Variants in SNX1 observed in about 807,000 individuals in gnomAD.
SNX1 encodes sorting nexin-1.
Under a neutral mutation model 71.8 loss-of-function variants are expected in SNX1, and 36 were observed. That is an observed-to-expected ratio of 0.50 (90% confidence interval 0.38 to 0.66). The LOEUF is 0.66. Ranked by LOEUF, SNX1 falls within the 30% of genes least tolerant of loss-of-function variation. The pLI, the probability that SNX1 is intolerant of heterozygous loss-of-function variation, is 0.00. For missense variants in SNX1, 612 were observed against 646.7 expected (o/e 0.95, Z 0.58); for synonymous variants, 254 against 240.7 (o/e 1.06, Z -0.51).
chr15:64,111,390 T>C (rs1167721717), intron 1 of SNX1: 4 of 152,230 alleles, frequency 2.6e-5, no homozygotes, highest in African/African-American at 9.6e-5. Flanking sequence ...GTAGAAGGAT[T>C]GTTTGCTCAT....
chr15:64,113,785 C>A (rs1362177711), intron 2 of SNX1, among the ~76,000 whole-genome samples: 1 of 151,928 alleles, frequency 6.6e-6, no homozygotes, highest in African/African-American at 2.4e-5. Context: ...TGTGCTACTA[C>A]ACTGCAGCCT....
rs117906024 is a variant in SNX1 at position 64,137,253 on chromosome 15, G to A, written c.1519-315G>A. Among the ~76,000 whole-genome samples, 978 of 152,308 alleles carry A rather than the reference G, an allele frequency of 6.4e-3. 4 individuals are homozygous for A. Among genetic ancestry groups the A allele is most frequent in the Non-Finnish European group, 0.01 (692 of 68,006 alleles). On this transcript the variant is annotated intron_variant, in intron 14 of 14. Transcript: ENST00000559844. The stretch of plus-strand genomic sequence containing the variant: ...GCCCTCCTGAGGCTGAGGCCTCATC[G>A]GTATGTGAAACAGTGGCCCCACTGT...
rs1285289731 is a variant in SNX1, at chr15:64,129,162, AC to A, written c.808-753del. Reference sequence around the variant, plus strand: ...CTTGGGAGGCTGAGGCAGGATAATCACTTGAACCCTGGAGGCAGAGGTTGCC... The same window carrying A: ...CTTGGGAGGCTGAGGCAGGATAATCATTGAACCCTGGAGGCAGAGGTTGCC... On this transcript the variant is annotated intron_variant, in intron 8 of 14. Transcript: ENST00000559844. This position sits in a 1 kb window ranked among gnomAD's most constrained non-coding sequence, Gnocchi z 4.4. 6.6e-6 allele frequency among the ~76,000 whole-genome samples: 1 copy of A among 151,442 alleles called. No homozygotes were observed.
At chr15:64,127,385 T>C (rs1449331484) in intron 7 of SNX1, 133 bp downstream of exon 7, 11 of 696,600 alleles carry the variant, frequency 1.6e-5, no homozygotes, top group Non-Finnish European at 2.7e-5. Context: ...ACCTCCATAT[T>C]ATCTCTTAAC....
At position 64,136,887 on chromosome 15, in the gene SNX1, C is replaced by G. The variant is rs552760571; in HGVS notation, c.1473C>G (p.Asn491Lys). ...FEKEKSKDFKNHVIKYLETLL... is the reference protein window; with the variant it reads ...FEKEKSKDFKKHVIKYLETLL... ...AAGAGAAATCCAAGGACTTCAAGAA[C>G]CACGTGATCAAGTACCTTGAGACAC... Residue 491 changes from asparagine to lysine, a missense_variant, in exon 14 of 15, where the codon AAC becomes AAG. Transcript: ENST00000559844. 2 of 1,613,962 alleles carry G rather than the reference C, an allele frequency of 1.2e-6. No individual in the cohort carries two copies. The highest frequency in any genetic ancestry group is 2.2e-5 in the East Asian group (1 of 44,876).
chr15:64,126,919 G>T (rs1342284644), intron 6 of SNX1, among the ~76,000 whole-genome samples: 1 of 152,080 alleles, frequency 6.6e-6, no homozygotes. Flanking sequence ...TGTACTCAGG[G>T]TTCCATGGCC....
chr15:64,097,832 A>G (rs967087686), intron 1 of SNX1, among the ~76,000 whole-genome samples: 1 of 152,226 alleles, frequency 6.6e-6, no homozygotes, highest in African/African-American at 2.4e-5. Flanking sequence ...ACAGCTATAA[A>G]TTCTTTATGC....
At chr15:64,118,590 C>T (rs548781801) in intron 3 of SNX1, among the ~76,000 whole-genome samples, 198 bp from the exon 4 acceptor site, 1 of 152,284 alleles carries the variant, frequency 6.6e-6, no homozygotes, top group South Asian at 2.1e-4. Flanking sequence ...TAAGGGGATA[C>T]ATGTAACAAA....
At position 64,137,639 on chromosome 15, in the gene SNX1, C is replaced by T. The variant is rs2081372704; in HGVS notation, c.*21C>T. The T allele has an allele frequency of 3.1e-6, 5 of 1,614,128 alleles. No individual in the cohort carries two copies. Among genetic ancestry groups the T allele is most frequent in the Non-Finnish European group, 4.2e-6 (5 of 1,179,992 alleles). ...CCTAATGGACCAAGGACCCCAGAGC[C>T]CACCTGTGTGACGCTGCCTTTTTAT... On this transcript the variant is annotated 3_prime_UTR_variant, in exon 15 of 15. Coordinates refer to ENST00000559844, the MANE Select transcript of SNX1 (RefSeq NM_003099.5).
At chr15:64,109,756 C>T (rs565428789) in intron 1 of SNX1, among the ~76,000 whole-genome samples, 5 of 152,114 alleles carry the variant, frequency 3.3e-5, no homozygotes, top group Non-Finnish European at 7.4e-5. Flanking sequence ...TATGTAGGCA[C>T]CTCTGCCTCC....
At chr15:64,110,764 C>A (rs1052985444) in intron 1 of SNX1, among the ~76,000 whole-genome samples, 7 of 152,206 alleles carry the variant, frequency 4.6e-5, no homozygotes. Flanking sequence ...CTAGTTTTCA[C>A]TGCAGTATCC....
rs1212748327 is a variant in SNX1, at chr15:64,129,514, T to G, written c.808-402T>G. 6.6e-6 allele frequency among the ~76,000 whole-genome samples: 1 copy of G among 152,216 alleles called. No individual in the cohort carries two copies. The highest frequency in any genetic ancestry group is 2.4e-5 in the African/African-American group (1 of 41,458). ...GAAGAAAATTCGAACACAGCACGATTTCAGTGTCTTAAGACTTTTAAGTCT... is the reference window on the plus strand; with the variant it reads ...GAAGAAAATTCGAACACAGCACGATGTCAGTGTCTTAAGACTTTTAAGTCT... On this transcript the variant is annotated intron_variant, in intron 8 of 14. Coordinates refer to ENST00000559844, the MANE Select transcript of SNX1 (RefSeq NM_003099.5). This position sits in a 1 kb window ranked among gnomAD's most constrained non-coding sequence, Gnocchi z 4.4.
intron 10 of SNX1, 45 bp from the exon 11 acceptor site, chr15:64,131,642 C>T (rs1418766103): frequency 1.3e-6 from 2 of 1,587,694 alleles, no homozygotes. Context: ...TGTCCCTTTT[C>T]CTTGTGAGAT....
chr15:64,103,740 T>C (rs1371316689), intron 1 of SNX1, among the ~76,000 whole-genome samples: 1 of 152,232 alleles, frequency 6.6e-6, no homozygotes, highest in Non-Finnish European at 1.5e-5. Flanking sequence ...TTTAATTCTC[T>C]GTTCTGTGAA....
intron 4 of SNX1, 100 bp from the exon 5 acceptor site, chr15:64,123,403 C>T: frequency 2.0e-6 from 2 of 990,298 alleles, no homozygotes. Flanking sequence ...CCCTTCTTAT[C>T]CAGGGTTCCT....
At chr15:64,126,043 G>A (rs774570786) in intron 5 of SNX1, 36 bp from the exon 6 acceptor site, 1 of 1,612,284 alleles carries the variant, frequency 6.2e-7, no homozygotes. Flanking sequence ...CCCCTATTTG[G>A]AATGAAATTG....
chr15:64,140,100 T>C lies in SNX1; in HGVS notation c.*2482T>C, dbSNP rs538648998. 12 of 152,422 alleles carry C rather than the reference T, an allele frequency of 7.9e-5. No homozygotes were observed. In the East Asian group the frequency reaches 2.3e-3, roughly 29 times the overall value. 9.4% of individuals were successfully genotyped at this position (152,422 alleles called of 1,614,324 possible). A position where few individuals can be genotyped will look rare whatever the true frequency, so the allele number is the denominator to read the frequency against. On this transcript the variant is annotated 3_prime_UTR_variant, in exon 15 of 15. Coordinates refer to ENST00000559844, the MANE Select transcript of SNX1 (RefSeq NM_003099.5). ...TCCTCTTTGTAATTTACAAGTAATT[T>C]GTGGGGAGATACTTTGAGACTATAT...
rs377571555 is a variant in SNX1, at chr15:64,112,400, C to T, written c.160-173C>T. On this transcript the variant is annotated intron_variant, in intron 1 of 14. Transcript: ENST00000559844. ...AGAAATTAACCCTAAAATGTATGGACTTATTTTTGCTCTGTCATGACTTGG... is the reference window on the plus strand; with the variant it reads ...AGAAATTAACCCTAAAATGTATGGATTTATTTTTGCTCTGTCATGACTTGG... Among the ~76,000 whole-genome samples, 13 of 152,248 alleles carry T rather than the reference C, an allele frequency of 8.5e-5. No individual in the cohort carries two copies. The East Asian group carries it at 1.2e-3, about 14-fold the overall frequency.
intron 4 of SNX1, among the ~76,000 whole-genome samples, chr15:64,120,395 C>G (rs903632023): frequency 6.6e-6 from 1 of 151,540 alleles, no homozygotes; most frequent in Admixed American, 6.6e-5. Context: ...ACCTCAGCCT[C>G]CTGAGTAGCT....
Sources: allele counts gnomAD v4.1 joint callset (sites outside exome capture counted in the v4.1 genomes callset), GRCh38; gene constraint gnomAD v4.1.1; non-coding constraint Gnocchi (gnomAD v3.1); transcripts MANE v1.5; gene names NCBI Gene and HGNC (gene_info 2026-07-23, HGNC 2026-07-21).